The following ZBTB45 variants were observed in gnomAD, a reference collection of about 807,000 sequenced individuals.
ZBTB45 encodes the protein zinc finger and BTB domain containing 45, also known as zinc finger and BTB domain-containing protein 45.
In ZBTB45, 22 loss-of-function variants were observed where a neutral mutation model predicts 28.4. The observed-to-expected ratio is 0.77, with a 90% CI of 0.55 to 1.10. The LOEUF is 1.10. ZBTB45 is among the 50% of genes least tolerant of loss of function. The pLI is 0.00. For synonymous variants in ZBTB45, 361 were observed against 332.3 expected, an observed-to-expected ratio of 1.09 and a Z score of -0.94; for missense variants, 656 against 750.2, an observed-to-expected ratio of 0.87 and a Z score of 1.47.
chr19:58,516,504 G>A lies in ZBTB45; in HGVS notation c.1170C>T (p.Gly390=), dbSNP rs759011800. ...CAGCACCTGGGGTGCGAGCAGGGGT[G>A]CCTGAGGGGGCCGTGGTGGGAGCAG... is the stretch of plus-strand genomic sequence containing the variant. ...PSAAPTTAPS[G]TPARTPGAEP... is the part of the protein sequence containing the mutation. Residue 390 remains glycine (G), a synonymous_variant, in exon 2 of 3, where the codon GGC becomes GGT. Coordinates refer to ENST00000594051, the MANE Select transcript of ZBTB45 (RefSeq NM_001316979.2). This position sits in a 1 kb window ranked among gnomAD's most constrained non-coding sequence, Gnocchi z 6.2. 7 of 1,613,476 alleles carry A rather than the reference G, an allele frequency of 4.3e-6. No homozygotes were observed. The Admixed American group carries it at 6.7e-5, about 15-fold the overall frequency.
intron 1 of ZBTB45, among the ~76,000 whole-genome samples, chr19:58,534,383 ATATTATTAT>A (rs761821447): frequency 1.3e-5 from 2 of 151,248 alleles, no homozygotes; most frequent in East Asian, 1.9e-4. Context: ...TATTATGTGA[ATATTATTAT>A]TATTATTATT....
intron 1 of ZBTB45, among the ~76,000 whole-genome samples, chr19:58,528,169 A>G (rs2053617327): frequency 6.6e-6 from 1 of 152,004 alleles, no homozygotes; most frequent in South Asian, 2.1e-4. Flanking sequence ...GAAGACACAT[A>G]CCCCTGAAGA....
At chr19:58,524,829 G>A (rs202069967) in intron 1 of ZBTB45, among the ~76,000 whole-genome samples, 1 of 151,486 alleles carries the variant, frequency 6.6e-6, no homozygotes, top group African/African-American at 2.4e-5. Flanking sequence ...CTTGCAGTGA[G>A]CCGAGATTGC....
chr19:58,522,458 G>T (rs1186250489), upstream of ZBTB45, among the ~76,000 whole-genome samples: 1 of 151,888 alleles, frequency 6.6e-6, no homozygotes, highest in African/African-American at 2.4e-5. Flanking sequence ...CACTGTGCCC[G>T]GCCTGTCCCT....
chr19:58,537,759 G>A (rs1215025516), intron 1 of ZBTB45, among the ~76,000 whole-genome samples: 1 of 151,898 alleles, frequency 6.6e-6, no homozygotes, highest in African/African-American at 2.4e-5. Flanking sequence ...TGTGGGTCCT[G>A]TGTGACCCAC....
upstream of ZBTB45, among the ~76,000 whole-genome samples, chr19:58,524,435 A>ATGTGTGTGTGTGTGTGTGTGTG (rs56704623): frequency 7.2e-6 from 1 of 138,260 alleles, no homozygotes; most frequent in South Asian, 2.3e-4. Context: ...GTGTTCATAT[A>ATGTGTGTGTGTGTGTGTGTGTG]TGTGTGTGTG....
chr19:58,516,921 G>T lies in ZBTB45; in HGVS notation c.753C>A (p.Ser251Arg). ...AAGFLTAAAD[S>R]ACEEPPAPTG... ...TGGGTGCAGGGGGCTCCTCGCACGC[G>T]CTGTCAGCAGCAGCAGTGAGGAAGC... Residue 251 changes from serine (S) to arginine (R), a missense_variant, in exon 2 of 3, where the codon AGC (serine) becomes AGA (arginine). Ser to Arg is a moderately radical substitution (Grantham distance 110). Coordinates refer to ENST00000594051, the MANE Select transcript of ZBTB45 (RefSeq NM_001316979.2). The surrounding 1 kb of genome is among the most constrained non-coding windows in gnomAD (Gnocchi z 6.2). The T allele has an allele frequency of 6.2e-7, 1 of 1,613,274 alleles. No individual in the cohort carries two copies.
intron 1 of ZBTB45, among the ~76,000 whole-genome samples, chr19:58,533,289 T>C (rs1469019415): frequency 6.6e-6 from 1 of 152,212 alleles, no homozygotes; most frequent in Non-Finnish European, 1.5e-5. Context: ...TATCAGGACA[T>C]CATCTAACCC....
rs758413709 is a variant in ZBTB45, at chr19:58,517,518, C to T, written c.156G>A (p.Ala52=). 21 of 1,613,394 alleles carry T rather than the reference C, an allele frequency of 1.3e-5. No individual in the cohort carries two copies. In the South Asian group the frequency reaches 1.3e-4, roughly 10 times the overall value. ...ASLRAHRCVL[A]AGSPFFQDKL... ...TGTCTTGGAAGAAGGGTGAGCCGGC[C>T]GCCAGCACGCAGCGGTGGGCACGCA... The change falls in exon 2 of 3, where the codon GCG becomes GCA. Residue 52 remains alanine, a synonymous_variant. Transcript: ENST00000594051.
chr19:58,521,051 CAAAAAAAAAAAAAAAAA>C (rs71190053), upstream of ZBTB45, among the ~76,000 whole-genome samples: 9 of 27,822 alleles, frequency 3.2e-4, 2 homozygotes, highest in African/African-American at 1.2e-3. Flanking sequence ...GACTCCGTCT[CAAAAAAAAAAAAAAAAA>C]AAAAAAAAAA....
rs770668950 is a variant in ZBTB45 at position 58,517,401 on chromosome 19, C to T, written c.273G>A (p.Ser91=). 59 of 1,612,892 alleles carry T rather than the reference C, an allele frequency of 3.7e-5. No homozygotes were observed. Among genetic ancestry groups the T allele is most frequent in the South Asian group, 2.5e-4 (23 of 91,086 alleles). The change falls in exon 2 of 3, where the codon TCG becomes TCA. Residue 91 remains serine, a synonymous_variant. Coordinates refer to ENST00000594051, the MANE Select transcript of ZBTB45 (RefSeq NM_001316979.2). The part of the protein sequence containing the change: ...RQLVEFLYSG[S]LVVAQGEALQ... Reference sequence around the variant, plus strand: ...GGGCTTCACCCTGCGCCACAACGAGCGAACCGCTGTACAGGAACTCTACCA... The same window carrying T: ...GGGCTTCACCCTGCGCCACAACGAGTGAACCGCTGTACAGGAACTCTACCA...
chr19:58,529,033 G>A (rs1483917606), intron 1 of ZBTB45, among the ~76,000 whole-genome samples: 3 of 146,592 alleles, frequency 2.0e-5, no homozygotes, highest in Non-Finnish European at 1.5e-5. Context: ...GCAGTGAGCT[G>A]AGATCACGCC....
intron 1 of ZBTB45, among the ~76,000 whole-genome samples, chr19:58,518,845 C>G (rs1418558239): frequency 1.3e-5 from 2 of 152,118 alleles, no homozygotes; most frequent in Admixed American, 1.3e-4. Context: ...CCCTTGGAGT[C>G]ACAAAGCCCC....
chr19:58,533,828 C>G (rs903277356), intron 1 of ZBTB45, among the ~76,000 whole-genome samples: 2 of 152,172 alleles, frequency 1.3e-5, no homozygotes, highest in African/African-American at 4.8e-5. Flanking sequence ...ACTGTAGCAG[C>G]TGTGTTAATA....
At position 58,514,035 on chromosome 19, in the gene ZBTB45, A is replaced by AG; in HGVS notation, c.*18dup. On this transcript the variant is annotated 3_prime_UTR_variant, in exon 3 of 3. Transcript: ENST00000594051. Reference sequence around the variant, plus strand: ...GGAGGCCCCGGATCCACCGTGGGCGAGGCCAGGCCCCAGCGCCATCAGGGC... The same window carrying AG: ...GGAGGCCCCGGATCCACCGTGGGCGAGGGCCAGGCCCCAGCGCCATCAGGGC... The AG allele has an allele frequency of 2.9e-6, 4 of 1,390,322 alleles. No individual in the cohort carries two copies. Among genetic ancestry groups the AG allele is most frequent in the Non-Finnish European group, 3.7e-6 (4 of 1,078,636 alleles). 86.1% of individuals were successfully genotyped at this position (1,390,322 alleles called of 1,614,324 possible).
upstream of ZBTB45, among the ~76,000 whole-genome samples, chr19:58,524,167 G>T (rs962379567): frequency 1.3e-5 from 2 of 149,400 alleles, no homozygotes; most frequent in Non-Finnish European, 3.0e-5. Flanking sequence ...AGGAGTTCCA[G>T]CCTAGCCAAC....
At chr19:58,527,954 T>C (rs1411619156) in intron 1 of ZBTB45, among the ~76,000 whole-genome samples, 2 of 152,100 alleles carry the variant, frequency 1.3e-5, no homozygotes, top group African/African-American at 4.8e-5. Flanking sequence ...ATACAAAAAT[T>C]ATCTGGGCGT....
rs116508307 is a variant in ZBTB45, at chr19:58,515,900, C to T, written c.1279+495G>A. ...TCCCCACACTACCTATGTTTTCCTA[C>T]TCATGCCCCAGTCTCAGGAGTTCCT... On this transcript the variant is annotated intron_variant, in intron 2 of 2. Coordinates refer to ENST00000594051, the MANE Select transcript of ZBTB45 (RefSeq NM_001316979.2). This position sits in a 1 kb window ranked among gnomAD's most constrained non-coding sequence, Gnocchi z 4.7. Among the ~76,000 whole-genome samples, 808 of 152,282 alleles carry T rather than the reference C, an allele frequency of 5.3e-3. 5 individuals carry two copies. Among genetic ancestry groups the T allele is most frequent in the African/African-American group, 0.018 (755 of 41,544 alleles).
intron 1 of ZBTB45, among the ~76,000 whole-genome samples, chr19:58,525,781 T>TAC (rs2053603878): frequency 1.3e-5 from 2 of 151,664 alleles, no homozygotes; most frequent in Admixed American, 1.3e-4. Flanking sequence ...AAGAAGAAGG[T>TAC]ACTACCAGCC....
Sources: allele counts gnomAD v4.1 joint callset (sites outside exome capture counted in the v4.1 genomes callset), GRCh38; gene constraint gnomAD v4.1.1; non-coding constraint Gnocchi (gnomAD v3.1); transcripts MANE v1.5; gene names NCBI Gene and HGNC (gene_info 2026-07-23, HGNC 2026-07-21).